The following NKAIN2 variants were observed in gnomAD, a reference collection of about 807,000 sequenced individuals.
The protein encoded by NKAIN2 is sodium/potassium-transporting ATPase subunit beta-1-interacting protein 2.
A neutral mutation model predicts 32.6 loss-of-function variants in NKAIN2; 14 were observed. The ratio of observed to expected loss-of-function variants is 0.43; its 90% CI spans 0.28 to 0.67. The LOEUF is 0.67. Among genes scored for constraint, NKAIN2 ranks in the 30% least tolerant of loss-of-function variants. The probability of loss-of-function intolerance (pLI) is 0.17; values close to 1 mark genes in which losing one functional copy is unlikely to be tolerated. For synonymous variants in NKAIN2, 80 were observed against 87.2 expected (o/e 0.92, Z 0.46); for missense variants, 198 against 258.3 (o/e 0.77, Z 1.60).
intron 3 of NKAIN2, among the ~76,000 whole-genome samples, chr6:124,363,136 G>C (rs1162245014): frequency 6.6e-6 from 1 of 152,088 alleles, no homozygotes; most frequent in East Asian, 1.9e-4. Flanking sequence ...CGCTCAGCCA[G>C]AATTTTTTAT....
intron 3 of NKAIN2, among the ~76,000 whole-genome samples, chr6:124,623,379 G>T (rs1783183052): frequency 6.6e-6 from 1 of 152,144 alleles, no homozygotes; most frequent in Non-Finnish European, 1.5e-5. Flanking sequence ...AACTCTCTAT[G>T]CATGTGTGGC....
chr6:124,654,249 G>T (rs1784461871), intron 3 of NKAIN2, among the ~76,000 whole-genome samples: 1 of 152,020 alleles, frequency 6.6e-6, no homozygotes, highest in Admixed American at 6.6e-5. Context: ...GACAAGAAAT[G>T]CTATTTTTGG....
intron 1 of NKAIN2, among the ~76,000 whole-genome samples, chr6:124,161,125 T>C (rs1231017696): frequency 6.6e-6 from 1 of 151,464 alleles, no homozygotes; most frequent in Non-Finnish European, 1.5e-5. Context: ...AGAAAAGAGG[T>C]TTAATGACTC....
chr6:124,781,636 A>G (rs557139064), intron 4 of NKAIN2, among the ~76,000 whole-genome samples: 1 of 152,244 alleles, frequency 6.6e-6, no homozygotes, highest in Admixed American at 6.5e-5. Context: ...CTTCAGTCTG[A>G]GGTTTATGAC....
chr6:124,549,680 T>C (rs1780219864), intron 3 of NKAIN2, among the ~76,000 whole-genome samples: 1 of 152,212 alleles, frequency 6.6e-6, no homozygotes, highest in Non-Finnish European at 1.5e-5. Context: ...AGTCTTTCCT[T>C]GCTTTTCAAG....
intron 1 of NKAIN2, among the ~76,000 whole-genome samples, chr6:124,153,274 A>C (rs1382361120): frequency 6.6e-6 from 1 of 151,834 alleles, no homozygotes; most frequent in African/African-American, 2.4e-5. Flanking sequence ...TGCATCAACT[A>C]TCATATATCA....
intron 3 of NKAIN2, among the ~76,000 whole-genome samples, chr6:124,546,866 CAG>C (rs1325260224): frequency 6.6e-6 from 1 of 152,112 alleles, no homozygotes; most frequent in Non-Finnish European, 1.5e-5. Flanking sequence ...GAGAGATAAA[CAG>C]AGAGAAAGCA....
intron 4 of NKAIN2, among the ~76,000 whole-genome samples, chr6:124,780,182 A>G (rs565526300): frequency 7.2e-5 from 11 of 152,244 alleles, no homozygotes; most frequent in Non-Finnish European, 1.3e-4. Flanking sequence ...GGGTGGTGTA[A>G]GGGTTGGGAG....
At chr6:123,850,357 T>TAC in intron 1 of NKAIN2, among the ~76,000 whole-genome samples, 1 of 67,002 alleles carries the variant, frequency 1.5e-5, no homozygotes, top group East Asian at 5.4e-4. Flanking sequence ...AAAAAAAAAA[T>TAC]ATATATATAT....
At chr6:124,024,391 C>T (rs1341079072) in intron 1 of NKAIN2, among the ~76,000 whole-genome samples, 4 of 152,076 alleles carry the variant, frequency 2.6e-5, no homozygotes, top group African/African-American at 9.7e-5. Flanking sequence ...AACAACACAC[C>T]TGCTGAACGT....
In NKAIN2 at chr6:123,842,361, C is replaced by G. The variant is rs572040866; in HGVS notation, c.54+38107C>G. On this transcript the variant is annotated intron_variant, in intron 1 of 6. Transcript: ENST00000368417. ...TGTAGATGGGCACCTTCTTAATATCCTTATGTGGTGGAGTAAAAGTACTCT... is the reference window on the plus strand; with the variant it reads ...TGTAGATGGGCACCTTCTTAATATCGTTATGTGGTGGAGTAAAAGTACTCT... Among the ~76,000 whole-genome samples, 34 of 152,150 alleles carry G rather than the reference C, an allele frequency of 2.2e-4. No homozygotes were observed. In the South Asian group the frequency reaches 6.9e-3, roughly 31 times the overall value.
chr6:123,810,026 A>G lies in NKAIN2; in HGVS notation c.54+5772A>G, dbSNP rs72613287. Among the ~76,000 whole-genome samples, 1,707 of 152,260 alleles carry G rather than the reference A, an allele frequency of 0.011. 51 individuals carry two copies. The East Asian group carries it at 0.14, about 12-fold the overall frequency. On this transcript the variant is annotated intron_variant, in intron 1 of 6. Transcript: ENST00000368417. Reference sequence around the variant, plus strand: ...AAAAATCTAGTTTTATAAAATAATAATGAAAACTATTATTTATTGGAAGCT... The same window carrying G: ...AAAAATCTAGTTTTATAAAATAATAGTGAAAACTATTATTTATTGGAAGCT...
At chr6:124,090,549 G>C (rs78905660) in intron 1 of NKAIN2, among the ~76,000 whole-genome samples, 1 of 151,960 alleles carries the variant, frequency 6.6e-6, no homozygotes, top group South Asian at 2.1e-4. Context: ...AATAGGTGTC[G>C]TGTTTAACAG....
At chr6:124,101,667 T>C (rs1344899716) in intron 1 of NKAIN2, among the ~76,000 whole-genome samples, 3 of 152,104 alleles carry the variant, frequency 2.0e-5, no homozygotes, top group Admixed American at 2.0e-4. Context: ...ACCTAAAGTA[T>C]GTATGAGATG....
chr6:124,230,609 G>T (rs886404823), intron 1 of NKAIN2, among the ~76,000 whole-genome samples: 1 of 152,132 alleles, frequency 6.6e-6, no homozygotes. Flanking sequence ...TAGGGACTTG[G>T]TGCCCTATGT....
rs565511367 is a variant in NKAIN2 at position 124,309,795 on chromosome 6, G to C, written c.192+26653G>C. Among the ~76,000 whole-genome samples, 5 of 152,180 alleles carry C rather than the reference G, an allele frequency of 3.3e-5. No homozygotes were observed. The South Asian group carries it at 1.0e-3, about 32-fold the overall frequency. ...TGGGCTTTTTAAATGACACTCACTA[G>C]TCATCCTAGTTTTATTGATTTTACC... is the stretch of plus-strand genomic sequence containing the variant. On this transcript the variant is annotated intron_variant, in intron 2 of 6. Transcript: ENST00000368417.
intron 1 of NKAIN2, among the ~76,000 whole-genome samples, chr6:124,190,622 A>C (rs1789968004): frequency 6.6e-6 from 1 of 152,168 alleles, no homozygotes; most frequent in African/African-American, 2.4e-5. Context: ...GGAGTTGCAA[A>C]TTCTTAATAA....
intron 3 of NKAIN2, among the ~76,000 whole-genome samples, chr6:124,465,757 C>T (rs930860294): frequency 2.0e-5 from 3 of 151,850 alleles, no homozygotes; most frequent in Non-Finnish European, 4.4e-5. Context: ...AACCTGTAAA[C>T]ATCATGGCAT....
At chr6:124,205,947 A>G (rs145801424) in intron 1 of NKAIN2, among the ~76,000 whole-genome samples, 4 of 152,064 alleles carry the variant, frequency 2.6e-5, no homozygotes, top group Non-Finnish European at 5.9e-5. Flanking sequence ...GAAGCATTCT[A>G]CAAAGAACAC....
Sources: allele counts gnomAD v4.1 joint callset (sites outside exome capture counted in the v4.1 genomes callset), GRCh38; gene constraint gnomAD v4.1.1; transcripts MANE v1.5; gene names NCBI Gene and HGNC (gene_info 2026-07-23, HGNC 2026-07-21).